The following THSD7A variants were observed in gnomAD, a reference collection of about 807,000 sequenced individuals.
The protein encoded by THSD7A is thrombospondin type-1 domain-containing protein 7A.
THSD7A carries 96 observed loss-of-function variants against 231.3 expected under a neutral mutation model. The ratio of observed to expected loss-of-function variants is 0.41; its 90% CI spans 0.35 to 0.49. The LOEUF is 0.49. Among genes scored for constraint, THSD7A ranks in the 20% least tolerant of loss-of-function variants. The pLI, the probability that THSD7A is intolerant of heterozygous loss-of-function variation, is 0.05. For synonymous variants in THSD7A, 940 were observed against 743.3 expected, an observed-to-expected ratio of 1.26 and a Z score of -4.30; for missense variants, 2,290 against 2,070.2, an observed-to-expected ratio of 1.11 and a Z score of -2.06.
At chr7:11,583,206 C>G (rs906732546) in intron 4 of THSD7A, among the ~76,000 whole-genome samples, 2 of 151,794 alleles carry the variant, frequency 1.3e-5, no homozygotes, top group Admixed American at 6.6e-5. Context: ...AAATCTGACT[C>G]ATTATTTTTA....
chr7:11,482,036 G>A (rs1264368921), intron 6 of THSD7A, 54 bp from the exon 7 acceptor site: 2 of 1,516,714 alleles, frequency 1.3e-6, no homozygotes, highest in Non-Finnish European at 1.8e-6. Flanking sequence ...TGTAAAATGA[G>A]CAATTTAAAC....
At chr7:11,700,565 G>A (rs930635455) in intron 1 of THSD7A, among the ~76,000 whole-genome samples, 2 of 151,210 alleles carry the variant, frequency 1.3e-5, no homozygotes, top group South Asian at 2.1e-4. Flanking sequence ...AATCTTCATT[G>A]AAAATTATGG....
At chr7:11,628,409 A>C (rs1273225515) in intron 2 of THSD7A, among the ~76,000 whole-genome samples, 1 of 152,096 alleles carries the variant, frequency 6.6e-6, no homozygotes, top group African/African-American at 2.4e-5. Flanking sequence ...TTGTTCCCAT[A>C]TTCTTTGGCC....
chr7:11,749,858 A>C (rs189939066), intron 1 of THSD7A, among the ~76,000 whole-genome samples: 33 of 152,132 alleles, frequency 2.2e-4, no homozygotes, highest in Admixed American at 1.4e-3. Context: ...AAATACTCTT[A>C]TCAATGTTTA....
At chr7:11,609,934 C>T (rs1419385404) in intron 2 of THSD7A, among the ~76,000 whole-genome samples, 1 of 151,950 alleles carries the variant, frequency 6.6e-6, no homozygotes, top group Non-Finnish European at 1.5e-5. Context: ...AATCACTGAC[C>T]ATCTCTACAT....
chr7:11,798,449 C>T (rs540558053), intron 1 of THSD7A, among the ~76,000 whole-genome samples: 24 of 149,724 alleles, frequency 1.6e-4, no homozygotes, highest in African/African-American at 4.9e-4. Context: ...CTAGCCTGGG[C>T]GACAGAGTGA....
chr7:11,490,346 A>G (rs1368492519), intron 6 of THSD7A, among the ~76,000 whole-genome samples: 1 of 152,144 alleles, frequency 6.6e-6, no homozygotes, highest in African/African-American at 2.4e-5. Flanking sequence ...TAACCCACCC[A>G]TGATATAAGT....
At chr7:11,447,689 T>C (rs375678916) in intron 11 of THSD7A, among the ~76,000 whole-genome samples, 34 of 152,268 alleles carry the variant, frequency 2.2e-4, no homozygotes, top group African/African-American at 8.2e-4. Context: ...GTTTTAATTA[T>C]ATGTATTCAG....
chr7:11,791,631 C>T (rs1583294544), intron 1 of THSD7A, among the ~76,000 whole-genome samples: 1 of 151,942 alleles, frequency 6.6e-6, no homozygotes, highest in East Asian at 1.9e-4. Context: ...CTGTGGACTT[C>T]CTTGTAAGAA....
intron 1 of THSD7A, among the ~76,000 whole-genome samples, chr7:11,678,880 G>T (rs1783753237): frequency 6.6e-6 from 1 of 152,076 alleles, no homozygotes; most frequent in Non-Finnish European, 1.5e-5. Context: ...CCAAAACCTG[G>T]CAGAGTCATA....
intron 6 of THSD7A, among the ~76,000 whole-genome samples, chr7:11,524,218 G>A (rs1788382580): frequency 6.6e-6 from 1 of 152,018 alleles, no homozygotes; most frequent in Non-Finnish European, 1.5e-5. Context: ...CTAAATGAAG[G>A]CTTGAATGCC....
At chr7:11,498,541 A>G (rs1314489573) in intron 6 of THSD7A, among the ~76,000 whole-genome samples, 3 of 152,140 alleles carry the variant, frequency 2.0e-5, no homozygotes, top group Non-Finnish European at 2.9e-5. Context: ...TTGGTGACTT[A>G]GCTGTTCCAG....
At chr7:11,744,848 G>A (rs1346185285) in intron 1 of THSD7A, among the ~76,000 whole-genome samples, 1 of 151,916 alleles carries the variant, frequency 6.6e-6, no homozygotes, top group Non-Finnish European at 1.5e-5. Flanking sequence ...TCATTTTTTG[G>A]ACATTTGGCT....
chr7:11,666,322 A>G (rs1783129800), intron 1 of THSD7A, among the ~76,000 whole-genome samples: 1 of 152,108 alleles, frequency 6.6e-6, no homozygotes, highest in Non-Finnish European at 1.5e-5. Context: ...TATAGACTGA[A>G]GGTAATTTTA....
At chr7:11,378,426 C>A (rs1371309411) in intron 26 of THSD7A, among the ~76,000 whole-genome samples, 2 of 152,178 alleles carry the variant, frequency 1.3e-5, no homozygotes, top group Non-Finnish European at 2.9e-5. Flanking sequence ...GGTATTCAAG[C>A]ATTTGCCTGT....
rs778662032 is a variant in THSD7A, at chr7:11,636,878, A to G, written c.274T>C (p.Trp92Arg). 1.2e-6 allele frequency: 2 copies of G among 1,613,890 alleles called. No homozygotes were observed. Among genetic ancestry groups the G allele is most frequent in the South Asian group, 1.1e-5 (1 of 91,076 alleles). The change falls in exon 2 of 28, where the codon TGG becomes CGG. Residue 92 changes from tryptophan to arginine, a missense_variant. Coordinates refer to ENST00000423059, the MANE Select transcript of THSD7A (RefSeq NM_015204.3). This position sits in a 1 kb window ranked among gnomAD's most constrained non-coding sequence, Gnocchi z 10.0. ...TTACAGTTAGTATGCAGTGTAGTCCATCCCTCCACATGAGCACACCACACA... is the reference window on the plus strand; with the variant it reads ...TTACAGTTAGTATGCAGTGTAGTCCGTCCCTCCACATGAGCACACCACACA... ...RAVWCAHVEG[W>R]TTLHTNCKQA...
intron 1 of THSD7A, among the ~76,000 whole-genome samples, chr7:11,651,993 G>A (rs1392931088): frequency 6.6e-6 from 1 of 151,858 alleles, no homozygotes; most frequent in African/African-American, 2.4e-5. Context: ...AAGTTAATGT[G>A]TTGATTTCTA....
intron 7 of THSD7A, among the ~76,000 whole-genome samples, chr7:11,481,549 G>A (rs550245716): frequency 6.6e-6 from 1 of 152,130 alleles, no homozygotes; most frequent in East Asian, 1.9e-4. Context: ...TGGAAGGGTG[G>A]GAAAAAGCAA....
At chr7:11,629,597 A>G (rs1781583174) in intron 2 of THSD7A, among the ~76,000 whole-genome samples, 1 of 152,104 alleles carries the variant, frequency 6.6e-6, no homozygotes, top group South Asian at 2.1e-4. Flanking sequence ...TAGATTTGCA[A>G]TTTTACTGAT....
Sources: gnomAD v4.1 joint callset for allele counts (sites outside exome capture counted in the v4.1 genomes callset) on GRCh38, gnomAD v4.1.1 for gene constraint, Gnocchi (gnomAD v3.1) non-coding constraint, MANE v1.5 for transcripts, NCBI Gene and HGNC (gene_info 2026-07-23, HGNC 2026-07-21) for gene names.